SLC2A13: variants seen among roughly 807,000 people sequenced by gnomAD.
SLC2A13 encodes the protein proton myo-inositol cotransporter.
SLC2A13 carries 32 observed loss-of-function variants against 64.4 expected under a neutral mutation model. The observed-to-expected ratio is 0.50, with a 90% confidence interval of 0.37 to 0.67. The LOEUF (loss-of-function observed/expected upper bound fraction) is 0.67, where lower values mean the gene tolerates loss of function less well. Ranked by LOEUF, SLC2A13 falls within the 30% of genes least tolerant of loss-of-function variation. SLC2A13 has a pLI of 0.00. For missense variants in SLC2A13, 743 were observed against 829.2 expected (o/e 0.90, Z 1.28); for synonymous variants, 338 against 327.1 (o/e 1.03, Z -0.36).
intron 7 of SLC2A13, among the ~76,000 whole-genome samples, chr12:39,801,936 A>C (rs974329644): frequency 6.6e-6 from 1 of 152,226 alleles, no homozygotes; most frequent in Non-Finnish European, 1.5e-5. Flanking sequence ...GCAGCAGCAA[A>C]CAACACAGCC....
intron 3 of SLC2A13, among the ~76,000 whole-genome samples, chr12:39,968,095 C>T (rs746684546): frequency 2.6e-5 from 4 of 152,208 alleles, no homozygotes; most frequent in Admixed American, 6.5e-5. Flanking sequence ...AAGACATACC[C>T]GAGATTGGGT....
chr12:39,973,475 A>G (rs1946704066), intron 3 of SLC2A13, among the ~76,000 whole-genome samples: 1 of 152,134 alleles, frequency 6.6e-6, no homozygotes. Flanking sequence ...ATGTTTTCCA[A>G]TCTCATGACT....
intron 6 of SLC2A13, among the ~76,000 whole-genome samples, chr12:39,848,956 G>T (rs909759645): frequency 6.6e-5 from 10 of 152,124 alleles, no homozygotes; most frequent in African/African-American, 1.9e-4. Context: ...TCACTTATAA[G>T]TGGGAGCTAA....
At position 39,931,544 on chromosome 12, in the gene SLC2A13, T is replaced by A. The variant is rs187440326; in HGVS notation, c.1034+19713A>T. 9.9e-5 allele frequency among the ~76,000 whole-genome samples: 15 copies of A among 152,280 alleles called. No individual in the cohort carries two copies. The East Asian group carries it at 2.5e-3, about 25-fold the overall frequency. Reference sequence around the variant, plus strand: ...TAGGAATGCTGGGGTCGGGAGAAAATACACTGTAAATCTTAGAGTTGTAAC... The same window carrying A: ...TAGGAATGCTGGGGTCGGGAGAAAAAACACTGTAAATCTTAGAGTTGTAAC... On this transcript the variant is annotated intron_variant, in intron 4 of 9. Transcript: ENST00000280871.
intron 7 of SLC2A13, among the ~76,000 whole-genome samples, chr12:39,807,398 G>C (rs961919266): frequency 2.0e-5 from 3 of 152,152 alleles, no homozygotes; most frequent in Non-Finnish European, 4.4e-5. Context: ...TCAATCTCCT[G>C]GGTGAAACTA....
intron 6 of SLC2A13, among the ~76,000 whole-genome samples, chr12:39,859,236 G>A (rs1054183676): frequency 1.4e-5 from 2 of 147,018 alleles, no homozygotes; most frequent in South Asian, 2.1e-4. Context: ...ATATTCTTAT[G>A]CTTGGTTTAA....
intron 6 of SLC2A13, among the ~76,000 whole-genome samples, chr12:39,858,605 T>A (rs1943670392): frequency 6.6e-6 from 1 of 152,192 alleles, no homozygotes; most frequent in Non-Finnish European, 1.5e-5. Flanking sequence ...TTTTACACAT[T>A]TCTTTTTGTT....
chr12:39,875,702 G>A (rs1944165610), intron 4 of SLC2A13, among the ~76,000 whole-genome samples: 1 of 152,168 alleles, frequency 6.6e-6, no homozygotes, highest in South Asian at 2.1e-4. Flanking sequence ...TCACAGGGCA[G>A]GACATGATAT....
chr12:40,100,330 C>T (rs1425893111), intron 1 of SLC2A13, among the ~76,000 whole-genome samples: 1 of 152,090 alleles, frequency 6.6e-6, no homozygotes, highest in East Asian at 1.9e-4. Flanking sequence ...TTAGAGATTT[C>T]TTGATATTCC....
At chr12:40,059,089 A>C (rs758725630) in intron 1 of SLC2A13, among the ~76,000 whole-genome samples, 17 of 152,350 alleles carry the variant, frequency 1.1e-4, no homozygotes, top group Non-Finnish European at 1.0e-4. Context: ...ACTCTGAGAC[A>C]CTGACACAGC....
chr12:39,783,169 C>T (rs7957157), intron 7 of SLC2A13, among the ~76,000 whole-genome samples: 148,014 of 152,206 alleles, frequency 0.97, 71,973 homozygotes, highest in East Asian at 1. Flanking sequence ...TGGTTTCCAG[C>T]TTCATCCATG....
At chr12:39,839,904 G>T (rs1305020179) in intron 6 of SLC2A13, among the ~76,000 whole-genome samples, 3 of 152,034 alleles carry the variant, frequency 2.0e-5, no homozygotes, top group Non-Finnish European at 1.5e-5. Context: ...CAAACCTATT[G>T]TTCCTTTTGT....
rs1201442730 is a variant in SLC2A13 at position 39,906,516 on chromosome 12, AAC to A, written c.1035-34557_1035-34556del. On this transcript the variant is annotated intron_variant, in intron 4 of 9. Transcript: ENST00000280871. Reference sequence around the variant, plus strand: ...CCACTGAAATATGAAACTTGAAAAAAACAGTTTCAACTTGAAAGAAACAGTTT... The same window carrying A: ...CCACTGAAATATGAAACTTGAAAAAAAGTTTCAACTTGAAAGAAACAGTTT... Among the ~76,000 whole-genome samples the A allele has an allele frequency of 7.2e-5, 11 of 152,124 alleles. No individual in the cohort carries two copies. In the East Asian group the frequency reaches 1.7e-3, roughly 24 times the overall value.
At chr12:39,805,725 G>A (rs1169904424) in intron 7 of SLC2A13, among the ~76,000 whole-genome samples, 1 of 152,162 alleles carries the variant, frequency 6.6e-6, no homozygotes. Context: ...GGAGTTGGAG[G>A]AGGGGCACTT....
At position 40,105,536 on chromosome 12, in the gene SLC2A13, G is replaced by A. The variant is rs770650426; in HGVS notation, c.273C>T (p.Gly91=). The change falls in exon 1 of 10, where the codon GGC becomes GGT. Residue 91 remains glycine, a synonymous_variant. Transcript: ENST00000280871. This position sits in a 1 kb window ranked among gnomAD's most constrained non-coding sequence, Gnocchi z 4.2. ...CGGTGTCATAGCCAAACAGGAAGCC[G>A]CCCAGCGCGGAGAAGACGGCCACCA... ...VYVVAVFSAL[G]GFLFGYDTGV... 1 of 1,580,794 alleles carries A rather than the reference G, an allele frequency of 6.3e-7. No individual in the cohort carries two copies. The highest frequency in any genetic ancestry group is 2.4e-5 in the East Asian group (1 of 42,184).
Position 39,871,843 on chromosome 12 carries a change from C to T in SLC2A13, c.1153G>A (p.Val385Ile), listed in dbSNP as rs757735855. 6.2e-7 allele frequency: 1 copy of T among 1,612,678 alleles called. No individual in the cohort carries two copies. The highest frequency in any genetic ancestry group is 8.5e-7 in the Non-Finnish European group (1 of 1,179,404). The change falls in exon 5 of 10, where the codon GTT becomes ATT. Residue 385 changes from valine (V) to isoleucine (I), a missense_variant. Val to Ile is a conservative substitution (Grantham distance 29). Coordinates refer to ENST00000280871, the MANE Select transcript of SLC2A13 (RefSeq NM_052885.4). ...FIFTLVGVWL[V>I]EKVGRRKLTF... The stretch of plus-strand genomic sequence containing the variant: ...AGCTTTCTGCGGCCCACCTTCTCAA[C>T]AAGCCAGACTCCCACAAGTGTGAAA...
chr12:39,799,254 C>CT (rs377069679), intron 7 of SLC2A13, among the ~76,000 whole-genome samples: 54 of 113,264 alleles, frequency 4.8e-4, no homozygotes, highest in East Asian at 3.9e-3. Context: ...TATGCTTAGC[C>CT]TTTTTTTTTT....
chr12:39,999,898 T>A (rs2136180412), intron 3 of SLC2A13, among the ~76,000 whole-genome samples: 1 of 152,342 alleles, frequency 6.6e-6, no homozygotes, highest in Non-Finnish European at 1.5e-5. Context: ...AAGGCTCAGG[T>A]GGGCATCACG....
At chr12:40,022,863 AT>A in intron 3 of SLC2A13, among the ~76,000 whole-genome samples, 1 of 152,034 alleles carries the variant, frequency 6.6e-6, no homozygotes. Flanking sequence ...TTAATATGTA[AT>A]TTTTTAACAT....
Sources: allele counts gnomAD v4.1 joint callset (sites outside exome capture counted in the v4.1 genomes callset), GRCh38; gene constraint gnomAD v4.1.1; non-coding constraint Gnocchi (gnomAD v3.1); transcripts MANE v1.5; gene names NCBI Gene and HGNC (gene_info 2026-07-23, HGNC 2026-07-21).